LRRC49: variants seen among roughly 807,000 people sequenced by gnomAD.
LRRC49 encodes leucine-rich repeat-containing protein 49.
LRRC49 carries 50 observed loss-of-function variants against 83.3 expected under a neutral mutation model. The observed-to-expected ratio is 0.60, with a 90% CI of 0.48 to 0.76. The LOEUF (loss-of-function observed/expected upper bound fraction) is 0.76, where lower values mean the gene tolerates loss of function less well. Among genes scored for constraint, LRRC49 ranks in the 30% least tolerant of loss-of-function variants. The probability of loss-of-function intolerance (pLI) is 0.00; values close to 1 mark genes in which losing one functional copy is unlikely to be tolerated. For missense variants in LRRC49, 704 were observed against 809.1 expected (o/e 0.87, Z 1.58); for synonymous variants, 286 against 283.3 (o/e 1.01, Z -0.10).
At chr15:71,020,160 GAAATATGTAATACAC>G (rs1221761836) in intron 14 of LRRC49, among the ~76,000 whole-genome samples, 1 of 152,072 alleles carries the variant, frequency 6.6e-6, no homozygotes, top group Non-Finnish European at 1.5e-5. Context: ...TTATATAAAT[GAAATATGTAATACAC>G]AAAGTTAAAA....
intron 8 of LRRC49, among the ~76,000 whole-genome samples, chr15:70,946,979 C>T (rs763797950): frequency 7.9e-5 from 12 of 151,902 alleles, no homozygotes; most frequent in Non-Finnish European, 1.5e-4. Flanking sequence ...GGTTAGAGAC[C>T]ATAGTTTTTA....
At chr15:70,959,530 AAAGGAGGGAAGG>A (rs2036523384) in intron 8 of LRRC49, among the ~76,000 whole-genome samples, 2 of 93,654 alleles carry the variant, frequency 2.1e-5, no homozygotes, top group Non-Finnish European at 4.1e-5. Flanking sequence ...GGGAGGGAGG[AAAGGAGGGAAGG>A]AAGGAAGGAA....
rs556950524 is a variant in LRRC49 at position 70,903,888 on chromosome 15, G to A, written c.297-664G>A. ...ATAGCTCAAAGCATATATTTTTAAG[G>A]TTTCATCCTACCCTGTAGCACTCTA... On this transcript the variant is annotated intron_variant, in intron 4 of 15. Transcript: ENST00000260382. Among the ~76,000 whole-genome samples, 3 of 152,188 alleles carry A rather than the reference G, an allele frequency of 2.0e-5. No homozygotes were observed. The East Asian group carries it at 5.8e-4, about 29-fold the overall frequency.
chr15:70,892,833 A>G lies in LRRC49; in HGVS notation c.-62A>G. 6.2e-7 allele frequency: 1 copy of G among 1,614,090 alleles called. No homozygotes were observed. Among genetic ancestry groups the G allele is most frequent in the South Asian group, 1.1e-5 (1 of 91,064 alleles). On this transcript the variant is annotated 5_prime_UTR_variant, in exon 1 of 16. Coordinates refer to ENST00000260382, the MANE Select transcript of LRRC49 (RefSeq NM_017691.5). ...AGATGACCTCTTTCGGGTCTCTTTG[A>G]ATCTCCGCTGTAGCGTCACCTGGAA...
intron 10 of LRRC49, among the ~76,000 whole-genome samples, chr15:70,983,390 A>C (rs2037475538): frequency 6.6e-6 from 1 of 152,064 alleles, no homozygotes; most frequent in Non-Finnish European, 1.5e-5. Flanking sequence ...CAAAACTCTA[A>C]ATCAGCAATC....
At chr15:71,020,565 A>G (rs2038962857) in intron 14 of LRRC49, among the ~76,000 whole-genome samples, 1 of 152,196 alleles carries the variant, frequency 6.6e-6, no homozygotes, top group Non-Finnish European at 1.5e-5. Flanking sequence ...AAAAATTTAA[A>G]AACAACCAGG....
At chr15:70,988,617 G>C (rs1325996971) in intron 11 of LRRC49, among the ~76,000 whole-genome samples, 11 of 148,764 alleles carry the variant, frequency 7.4e-5, no homozygotes, top group Admixed American at 7.4e-4. Context: ...CTTTTAATTG[G>C]AGCATTTAGT....
intron 7 of LRRC49, chr15:70,936,524 C>T (rs1022629738): frequency 4.8e-6 from 2 of 412,558 alleles, no homozygotes; most frequent in Non-Finnish European, 8.6e-6. Flanking sequence ...AGCGTCTCTC[C>T]CTGTCTCCTC....
intron 1 of LRRC49, among the ~76,000 whole-genome samples, chr15:70,860,823 A>C (rs2032771965): frequency 6.6e-6 from 1 of 152,222 alleles, no homozygotes; most frequent in African/African-American, 2.4e-5. Flanking sequence ...CTATATGGCC[A>C]CCTAATTAGT....
chr15:70,953,289 A>C (rs1420592236), intron 8 of LRRC49, among the ~76,000 whole-genome samples: 1 of 152,168 alleles, frequency 6.6e-6, no homozygotes, highest in African/African-American at 2.4e-5. Flanking sequence ...TTCCATGTTT[A>C]GCACTTCCTT....
upstream of LRRC49, among the ~76,000 whole-genome samples, chr15:70,890,187 A>G (rs1178346174): frequency 6.6e-6 from 1 of 152,196 alleles, no homozygotes; most frequent in African/African-American, 2.4e-5. Context: ...TGTAATTATG[A>G]AGAAGAAAAA....
intron 4 of LRRC49, 31 bp from the exon 5 acceptor site, chr15:70,904,521 A>G (rs1181622350): frequency 1.4e-6 from 2 of 1,441,410 alleles, no homozygotes; most frequent in African/African-American, 1.4e-5. Flanking sequence ...GCTGAATCAT[A>G]ACCTAATTAA....
chr15:71,035,845 TG>T (rs2039502976), intron 14 of LRRC49, among the ~76,000 whole-genome samples: 1 of 152,226 alleles, frequency 6.6e-6, no homozygotes, highest in Admixed American at 6.5e-5. Context: ...TATATTCTTT[TG>T]GGTATATACC....
intron 1 of LRRC49, among the ~76,000 whole-genome samples, chr15:70,855,211 T>A (rs1487800516): frequency 6.6e-6 from 1 of 151,980 alleles, no homozygotes; most frequent in African/African-American, 2.4e-5. Context: ...GGCACGTGCC[T>A]GTAATCCCAG....
chr15:70,996,537 A>G (rs905608625), intron 11 of LRRC49, among the ~76,000 whole-genome samples: 7 of 152,082 alleles, frequency 4.6e-5, no homozygotes, highest in African/African-American at 1.7e-4. Context: ...CTCCTTCTCT[A>G]CCAAATCTTT....
intron 8 of LRRC49, among the ~76,000 whole-genome samples, chr15:70,957,483 CT>C (rs777316024): frequency 1.9e-4 from 29 of 151,104 alleles, no homozygotes; most frequent in African/African-American, 2.2e-4. Context: ...CACTCATTCA[CT>C]TTTTTTTTAA....
intron 1 of LRRC49, among the ~76,000 whole-genome samples, chr15:70,870,999 A>G (rs1595970929): frequency 1.5e-5 from 2 of 133,652 alleles, no homozygotes; most frequent in African/African-American, 3.0e-5. Context: ...TGTTTCTCGG[A>G]GAGGGGGATT....
At chr15:71,021,285 G>A (rs767804871) in intron 14 of LRRC49, among the ~76,000 whole-genome samples, 2 of 152,162 alleles carry the variant, frequency 1.3e-5, no homozygotes, top group Non-Finnish European at 2.9e-5. Context: ...CTAGGACCTC[G>A]TATTATCTGG....
At chr15:70,983,186 T>G (rs2037465790) in intron 10 of LRRC49, among the ~76,000 whole-genome samples, 1 of 152,168 alleles carries the variant, frequency 6.6e-6, no homozygotes, top group African/African-American at 2.4e-5. Flanking sequence ...TTTTTTCTAT[T>G]AATATATATA....
Sources: gnomAD v4.1 joint callset for allele counts (sites outside exome capture counted in the v4.1 genomes callset) on GRCh38, gnomAD v4.1.1 for gene constraint, MANE v1.5 for transcripts, NCBI Gene and HGNC (gene_info 2026-07-23, HGNC 2026-07-21) for gene names.